Variants in IRF2 observed in about 807,000 individuals in gnomAD.
IRF2 encodes the protein interferon regulatory factor 2.
In IRF2, 15 loss-of-function variants were observed where a neutral mutation model predicts 40.6. The ratio of observed to expected loss-of-function variants is 0.37; its 90% CI spans 0.25 to 0.57. The LOEUF is 0.57. Ranked by LOEUF, IRF2 falls within the 20% of genes least tolerant of loss-of-function variation. The pLI, the probability that IRF2 is intolerant of heterozygous loss-of-function variation, is 0.77. For synonymous variants in IRF2, 151 were observed against 165.5 expected (o/e 0.91, Z 0.67); for missense variants, 317 against 455.7 (o/e 0.70, Z 2.77).
intron 5 of IRF2, among the ~76,000 whole-genome samples, chr4:184,414,712 A>G (rs3756091): frequency 0.039 from 6,003 of 152,350 alleles, 492 homozygotes; most frequent in East Asian, 0.21. Context: ...GGGGACATAT[A>G]GCATGGAGAT....
At chr4:184,457,853 A>AG (rs1246572351) in intron 1 of IRF2, among the ~76,000 whole-genome samples, 2 of 151,932 alleles carry the variant, frequency 1.3e-5, no homozygotes, top group Admixed American at 6.6e-5. Flanking sequence ...ACCTTCCAAA[A>AG]AAAAAAGAAA....
intron 5 of IRF2, among the ~76,000 whole-genome samples, chr4:184,410,310 G>T (rs1034414692): frequency 6.6e-6 from 1 of 152,196 alleles, no homozygotes; most frequent in East Asian, 1.9e-4. Context: ...AGCTAACTAC[G>T]TACATGGCAC....
intron 1 of IRF2, among the ~76,000 whole-genome samples, chr4:184,433,664 G>C (rs1013247682): frequency 6.6e-6 from 1 of 152,136 alleles, no homozygotes; most frequent in Non-Finnish European, 1.5e-5. Context: ...TGGGTTGGTT[G>C]GTTGGTTGGT....
chr4:184,440,400 T>C (rs1023170128), intron 1 of IRF2, among the ~76,000 whole-genome samples: 4 of 152,214 alleles, frequency 2.6e-5, no homozygotes, highest in South Asian at 4.1e-4. Context: ...CAAGACTACG[T>C]AGGCTTATAT....
At chr4:184,464,086 G>C (rs1002825099) in intron 1 of IRF2, among the ~76,000 whole-genome samples, 1 of 152,144 alleles carries the variant, frequency 6.6e-6, no homozygotes, top group African/African-American at 2.4e-5. Context: ...ATGAAGATAG[G>C]GAATGTATTG....
intron 1 of IRF2, among the ~76,000 whole-genome samples, chr4:184,452,798 G>A (rs62339978): frequency 0.28 from 33,355 of 118,782 alleles, 5,151 homozygotes; most frequent in East Asian, 0.39. Context: ...AAAAAAAAGG[G>A]AAAGAAAGAA....
intron 2 of IRF2, among the ~76,000 whole-genome samples, chr4:184,425,265 C>T (rs1737625942): frequency 6.6e-6 from 1 of 152,224 alleles, no homozygotes; most frequent in South Asian, 2.1e-4. Context: ...GAGGGAAGAA[C>T]ATTAGGCTCT....
chr4:184,394,833 T>C (rs528696571), intron 7 of IRF2, among the ~76,000 whole-genome samples: 2 of 152,308 alleles, frequency 1.3e-5, no homozygotes, highest in South Asian at 2.1e-4. Flanking sequence ...AAACATGACA[T>C]GTCTCTCCGC....
intron 5 of IRF2, among the ~76,000 whole-genome samples, chr4:184,415,991 G>A (rs1441921163): frequency 6.6e-6 from 1 of 152,142 alleles, no homozygotes; most frequent in Non-Finnish European, 1.5e-5. Context: ...GTGCTTTTCT[G>A]ACTAAATAAC....
chr4:184,457,276 C>A (rs1187789755), intron 1 of IRF2, among the ~76,000 whole-genome samples: 1 of 152,224 alleles, frequency 6.6e-6, no homozygotes, highest in Non-Finnish European at 1.5e-5. Flanking sequence ...ATGGCACGGG[C>A]AGCTCTGGGG....
intron 8 of IRF2, among the ~76,000 whole-genome samples, chr4:184,389,340 C>T (rs146411616): frequency 1.4e-3 from 220 of 152,292 alleles, no homozygotes; most frequent in African/African-American, 5.1e-3. Flanking sequence ...ATCACTGGAG[C>T]GCAGTAAGTC....
chr4:184,471,222 T>G (rs1334650628), intron 1 of IRF2, among the ~76,000 whole-genome samples: 1 of 152,250 alleles, frequency 6.6e-6, no homozygotes, highest in Non-Finnish European at 1.5e-5. Flanking sequence ...CAATTGTTCA[T>G]GAAAGCAACA....
chr4:184,397,279 C>A (rs950497393), intron 7 of IRF2, among the ~76,000 whole-genome samples: 3 of 152,092 alleles, frequency 2.0e-5, no homozygotes, highest in African/African-American at 7.2e-5. Context: ...TAGGAGGTAC[C>A]TAGAATAGCC....
chr4:184,414,964 C>G (rs944206884), intron 5 of IRF2, among the ~76,000 whole-genome samples: 4 of 152,168 alleles, frequency 2.6e-5, no homozygotes, highest in Non-Finnish European at 5.9e-5. Context: ...TAACTCAGTG[C>G]TTGGGTGTTT....
intron 6 of IRF2, among the ~76,000 whole-genome samples, chr4:184,406,232 C>CTTT (rs11309106): frequency 7.4e-6 from 1 of 134,422 alleles, no homozygotes. Flanking sequence ...TACTTTTTAT[C>CTTT]TTTTTTTTTT....
rs1736124808 is a variant in IRF2, at chr4:184,388,209, G to A, written c.*549C>T. ...GGAAGGAAAAGTAGGAAAAGAGCGG[G>A]ATGGGATGGGATGGGATGGGATGGG... On this transcript the variant is annotated 3_prime_UTR_variant, in exon 9 of 9. Transcript: ENST00000393593. This position sits in a 1 kb window ranked among gnomAD's most constrained non-coding sequence, Gnocchi z 4.6. 1 of 4,174 alleles carries A rather than the reference G, an allele frequency of 2.4e-4. No individual in the cohort carries two copies. The highest frequency in any genetic ancestry group is 4.9e-4 in the Non-Finnish European group (1 of 2,024). 0.3% of individuals were successfully genotyped at this position (4,174 alleles called of 1,614,324 possible).
chr4:184,428,823 G>T, intron 2 of IRF2, 155 bp downstream of exon 2: 1 of 696,640 alleles, frequency 1.4e-6, no homozygotes, highest in Non-Finnish European at 2.6e-6. Flanking sequence ...CCTTTGAGAT[G>T]ATAACTTGAT....
Position 184,408,551 on chromosome 4 carries a change from T to C in IRF2, c.412-276A>G, listed in dbSNP as rs553038500. On this transcript the variant is annotated intron_variant, in intron 5 of 8. Coordinates refer to ENST00000393593, the MANE Select transcript of IRF2 (RefSeq NM_002199.4). The surrounding 1 kb of genome is among the most constrained non-coding windows in gnomAD (Gnocchi z 4.9). ...AGGAAATGCTTCCACCTGCAGACAA[T>C]AGCTTTGGGGCTACGCAGAGCTGCA... Among the ~76,000 whole-genome samples, 1 of 152,304 alleles carries C rather than the reference T, an allele frequency of 6.6e-6. No individual in the cohort carries two copies. The highest frequency in any genetic ancestry group is 1.5e-5 in the Non-Finnish European group (1 of 68,026).
At chr4:184,389,090 T>C (rs780386032) in intron 8 of IRF2, 24 bp from the exon 9 acceptor site, 6 of 1,608,062 alleles carry the variant, frequency 3.7e-6, no homozygotes, top group East Asian at 2.2e-5. Context: ...AATTAAGATA[T>C]GTATTTCCTT....
Sources: allele counts gnomAD v4.1 joint callset (sites outside exome capture counted in the v4.1 genomes callset), GRCh38; gene constraint gnomAD v4.1.1; non-coding constraint Gnocchi (gnomAD v3.1); transcripts MANE v1.5; gene names NCBI Gene and HGNC (gene_info 2026-07-23, HGNC 2026-07-21).